The following AGAP1 variants were observed in gnomAD, a reference collection of about 807,000 sequenced individuals.
AGAP1 encodes ArfGAP with GTPase domain, ankyrin repeat and PH domain 1, also known as arf-GAP with GTPase, ANK repeat and PH domain-containing protein 1.
A neutral mutation model predicts 105.3 loss-of-function variants in AGAP1; 29 were observed. That is an observed-to-expected ratio of 0.28 (90% CI 0.21 to 0.38). The LOEUF (loss-of-function observed/expected upper bound fraction) is 0.38. AGAP1 is among the 10% of genes least tolerant of loss of function. The pLI, the probability that AGAP1 is intolerant of heterozygous loss-of-function variation, is 1.00. For synonymous variants in AGAP1, 509 were observed against 485.9 expected, an observed-to-expected ratio of 1.05 and a Z score of -0.63; for missense variants, 998 against 1,165.1, an observed-to-expected ratio of 0.86 and a Z score of 2.09.
At chr2:236,110,138 T>C (rs749897943) in intron 16 of AGAP1, among the ~76,000 whole-genome samples, 4 of 152,168 alleles carry the variant, frequency 2.6e-5, no homozygotes, top group Admixed American at 1.3e-4. Flanking sequence ...TCCTCTAAGA[T>C]GGGGGTAAGA....
intron 1 of AGAP1, among the ~76,000 whole-genome samples, chr2:235,627,412 A>G (rs988392023): frequency 3.9e-5 from 6 of 152,074 alleles, no homozygotes; most frequent in African/African-American, 1.2e-4. Context: ...CTTAGTAGAG[A>G]CAGGATTTCG....
chr2:235,939,512 A>T (rs1012401571), intron 12 of AGAP1, among the ~76,000 whole-genome samples: 1 of 151,558 alleles, frequency 6.6e-6, no homozygotes, highest in African/African-American at 2.4e-5. Flanking sequence ...GCCCAACACC[A>T]TGGCCCTCTG....
intron 1 of AGAP1, among the ~76,000 whole-genome samples, chr2:235,619,497 T>A (rs1310222650): frequency 7.0e-6 from 1 of 142,422 alleles, no homozygotes; most frequent in Non-Finnish European, 1.5e-5. Context: ...GGAGCTGGGA[T>A]TCAATCCTGG....
At chr2:235,704,143 G>A (rs946716064) in intron 1 of AGAP1, among the ~76,000 whole-genome samples, 2 of 152,210 alleles carry the variant, frequency 1.3e-5, no homozygotes, top group African/African-American at 4.8e-5. Flanking sequence ...GGGAGAAGCA[G>A]GGCTCATCTC....
rs548167760 is a variant in AGAP1 at position 235,725,925 on chromosome 2, C to G, written c.310+8281C>G. Among the ~76,000 whole-genome samples the G allele has an allele frequency of 6.3e-4, 96 of 152,164 alleles. No homozygotes were observed. Among genetic ancestry groups the G allele is most frequent in the African/African-American group, 1.8e-3 (74 of 41,488 alleles). On this transcript the variant is annotated intron_variant, in intron 3 of 17. Transcript: ENST00000304032. This position sits in a 1 kb window ranked among gnomAD's most constrained non-coding sequence, Gnocchi z 5.7. The stretch of plus-strand genomic sequence containing the variant: ...GTTCAAAAAAATAATAAAAGGGAAG[C>G]ATGTTCTGTTTCATTTTGAGCAAGA...
At chr2:235,892,388 C>T (rs1441238627) in intron 10 of AGAP1, among the ~76,000 whole-genome samples, 1 of 152,102 alleles carries the variant, frequency 6.6e-6, no homozygotes, top group Non-Finnish European at 1.5e-5. Context: ...TGTGTGTCGT[C>T]AAAGTTTGGT....
intron 3 of AGAP1, among the ~76,000 whole-genome samples, chr2:235,730,806 G>C (rs2149607641): frequency 6.6e-6 from 1 of 152,278 alleles, no homozygotes; most frequent in Middle Eastern, 3.4e-3. Flanking sequence ...GTGGGTATCG[G>C]AAGATTTTCA....
intron 16 of AGAP1, among the ~76,000 whole-genome samples, chr2:236,081,245 G>C (rs1490476896): frequency 6.6e-6 from 1 of 152,124 alleles, no homozygotes; most frequent in Non-Finnish European, 1.5e-5. Context: ...CAGTGGGCAG[G>C]AGGCCGGGGT....
chr2:236,092,916 G>T lies in AGAP1; in HGVS notation c.2115-27276G>T, dbSNP rs1020571790. Among the ~76,000 whole-genome samples the T allele has an allele frequency of 6.6e-6, 1 of 152,202 alleles. No homozygotes were observed. The highest frequency in any genetic ancestry group is 1.5e-5 in the Non-Finnish European group (1 of 68,038). On this transcript the variant is annotated intron_variant, in intron 16 of 17. Coordinates refer to ENST00000304032, the MANE Select transcript of AGAP1 (RefSeq NM_001037131.3). The surrounding 1 kb of genome is among the most constrained non-coding windows in gnomAD (Gnocchi z 4.7). ...GCTACCAGGGACCAGGGCAGATGCC[G>T]CAGACAGAAACAGGAGCGGCTCCAG...
chr2:236,114,568 G>C lies in AGAP1; in HGVS notation c.2115-5624G>C, dbSNP rs1361628288. 1.3e-5 allele frequency among the ~76,000 whole-genome samples: 2 copies of C among 152,178 alleles called. No individual in the cohort carries two copies. Among genetic ancestry groups the C allele is most frequent in the East Asian group, 3.9e-4 (2 of 5,186 alleles). ...TGGAGTCAGGGTGCCCGCAGGGTTG[G>C]TTCTGGTGAGACCTCTCTCCCTGGC... On this transcript the variant is annotated intron_variant, in intron 16 of 17. Coordinates refer to ENST00000304032, the MANE Select transcript of AGAP1 (RefSeq NM_001037131.3). This position sits in a 1 kb window ranked among gnomAD's most constrained non-coding sequence, Gnocchi z 5.0.
chr2:235,907,365 G>A (rs12615896), intron 10 of AGAP1, among the ~76,000 whole-genome samples: 47,112 of 151,984 alleles, frequency 0.31, 8,313 homozygotes, highest in Admixed American at 0.45. Flanking sequence ...CAGTGCTTTG[G>A]GAGGCTGAGG....
At chr2:235,749,300 GT>G (rs1235930333) in intron 5 of AGAP1, among the ~76,000 whole-genome samples, 1 of 151,594 alleles carries the variant, frequency 6.6e-6, no homozygotes, top group Non-Finnish European at 1.5e-5. Flanking sequence ...TCATTTCTCT[GT>G]TCCACGTGCC....
chr2:235,907,424 A>C (rs2051360074), intron 10 of AGAP1, among the ~76,000 whole-genome samples: 1 of 152,156 alleles, frequency 6.6e-6, no homozygotes, highest in Non-Finnish European at 1.5e-5. Flanking sequence ...TGGGCAACCT[A>C]GCAAGACCTC....
chr2:235,695,890 C>A (rs904277384), intron 1 of AGAP1, among the ~76,000 whole-genome samples: 3 of 152,150 alleles, frequency 2.0e-5, no homozygotes, highest in African/African-American at 7.2e-5. Flanking sequence ...GAATAACCAA[C>A]CCCTCTGTGA....
chr2:235,598,661 G>A (rs972251197), intron 1 of AGAP1, among the ~76,000 whole-genome samples: 1 of 152,142 alleles, frequency 6.6e-6, no homozygotes. Context: ...GATATGAAAA[G>A]GAGCCGCTTA....
intron 11 of AGAP1, among the ~76,000 whole-genome samples, chr2:235,924,203 C>T (rs7558418): frequency 0.43 from 65,947 of 151,892 alleles, 15,128 homozygotes; most frequent in African/African-American, 0.56. Context: ...AGACTTAAGG[C>T]AGTATCTCCC....
chr2:235,978,996 C>T (rs2054975462), intron 13 of AGAP1, among the ~76,000 whole-genome samples: 1 of 152,136 alleles, frequency 6.6e-6, no homozygotes, highest in Non-Finnish European at 1.5e-5. Flanking sequence ...TATAAGGGGA[C>T]ATCTCTCTTG....
At chr2:235,676,260 T>G (rs1379009015) in intron 1 of AGAP1, among the ~76,000 whole-genome samples, 14 of 152,230 alleles carry the variant, frequency 9.2e-5, no homozygotes, top group Non-Finnish European at 1.5e-5. Flanking sequence ...ACTAGTCCAC[T>G]GTGTAACAAT....
intron 1 of AGAP1, among the ~76,000 whole-genome samples, chr2:235,541,846 T>G (rs930668983): frequency 6.6e-6 from 1 of 152,244 alleles, no homozygotes; most frequent in Non-Finnish European, 1.5e-5. Context: ...TGTGACTTGC[T>G]TTGTTGGCTA....
Sources: gnomAD v4.1 joint callset for allele counts (sites outside exome capture counted in the v4.1 genomes callset) on GRCh38, gnomAD v4.1.1 for gene constraint, Gnocchi (gnomAD v3.1) non-coding constraint, MANE v1.5 for transcripts, NCBI Gene and HGNC (gene_info 2026-07-23, HGNC 2026-07-21) for gene names.